The following LRRIQ3 variants were observed in gnomAD, a reference collection of about 807,000 sequenced individuals.
LRRIQ3 encodes leucine rich repeats and IQ motif containing 3.
LRRIQ3 carries 75 observed loss-of-function variants against 59.3 expected under a neutral mutation model. That is an observed-to-expected ratio of 1.26 (90% CI 1.05 to 1.53). The LOEUF (loss-of-function observed/expected upper bound fraction) is 1.53. LRRIQ3 is among the 40% of genes most tolerant of loss of function. The pLI, the probability that LRRIQ3 is intolerant of heterozygous loss-of-function variation, is 0.00. For synonymous variants in LRRIQ3, 250 were observed against 231.3 expected (o/e 1.08, Z -0.73); for missense variants, 831 against 710.0 (o/e 1.17, Z -1.94).
At position 74,183,549 on chromosome 1, in the gene LRRIQ3, A is replaced by C; in HGVS notation, c.136T>G (p.Leu46Val). The part of the protein sequence containing the change: ...NGLHLKSMEN[L>V]QSCISLRVCI... ...ACTCTAAGAGAGATGCAAGACTGCA[A>C]ATTTTCCATAGACTTTAAATGAAGG... The change falls in exon 2 of 8, where the codon TTG (leucine) becomes GTG (valine). Residue 46 changes from leucine to valine, a missense_variant. Physicochemically the swap from Leu to Val is conservative, Grantham distance 32. Coordinates refer to ENST00000354431, the MANE Select transcript of LRRIQ3 (RefSeq NM_001105659.2). The C allele has an allele frequency of 6.2e-7, 1 of 1,612,260 alleles. No individual in the cohort carries two copies. The highest frequency in any genetic ancestry group is 2.2e-5 in the East Asian group (1 of 44,694).
chr1:74,147,407 T>G (rs1335077847), intron 4 of LRRIQ3, among the ~76,000 whole-genome samples: 1 of 152,198 alleles, frequency 6.6e-6, no homozygotes, highest in South Asian at 2.1e-4. Flanking sequence ...TTCTAACTCA[T>G]GATAAATAAA....
At chr1:74,057,313 A>C (rs1654565551) in intron 6 of LRRIQ3, among the ~76,000 whole-genome samples, 1 of 152,116 alleles carries the variant, frequency 6.6e-6, no homozygotes, top group Non-Finnish European at 1.5e-5. Flanking sequence ...TTTTAATGTC[A>C]GGTAGTGGAA....
At chr1:74,137,906 C>T (rs1647151483) in intron 4 of LRRIQ3, among the ~76,000 whole-genome samples, 1 of 149,538 alleles carries the variant, frequency 6.7e-6, no homozygotes, top group Non-Finnish European at 1.5e-5. Context: ...GAACACAGGA[C>T]ACAGGGAGGG....
chr1:74,118,024 GA>G (rs1407409880), intron 4 of LRRIQ3, among the ~76,000 whole-genome samples: 1 of 150,990 alleles, frequency 6.6e-6, no homozygotes, highest in African/African-American at 2.4e-5. Context: ...CCATTTAAAA[GA>G]ATACATTTAG....
chr1:74,184,245 T>C (rs1037387174), intron 1 of LRRIQ3, among the ~76,000 whole-genome samples: 8 of 152,076 alleles, frequency 5.3e-5, no homozygotes, highest in Non-Finnish European at 5.9e-5. Context: ...TCAATTCAAT[T>C]AGGAAATTAG....
intron 5 of LRRIQ3, among the ~76,000 whole-genome samples, chr1:74,103,802 A>C: frequency 6.8e-6 from 1 of 147,792 alleles, no homozygotes; most frequent in Non-Finnish European, 1.5e-5. Flanking sequence ...CCCCCGCCAT[A>C]TTTACCTGAA....
At chr1:74,114,264 T>A (rs2100571923) in intron 4 of LRRIQ3, among the ~76,000 whole-genome samples, 1 of 152,196 alleles carries the variant, frequency 6.6e-6, no homozygotes, top group Admixed American at 6.5e-5. Context: ...TACAGTTTTA[T>A]AATGTAACAA....
chr1:74,172,195 T>C (rs149383500), intron 3 of LRRIQ3, among the ~76,000 whole-genome samples: 1 of 152,124 alleles, frequency 6.6e-6, no homozygotes, highest in Non-Finnish European at 1.5e-5. Flanking sequence ...TTGGTTGAGA[T>C]CATTTTTTCT....
chr1:74,035,520 T>C (rs931412739), intron 7 of LRRIQ3, among the ~76,000 whole-genome samples: 4 of 152,140 alleles, frequency 2.6e-5, no homozygotes, highest in African/African-American at 9.7e-5. Context: ...CCAAATTTGG[T>C]TTAAAACTTT....
intron 6 of LRRIQ3, among the ~76,000 whole-genome samples, chr1:74,051,536 G>C (rs1654369656): frequency 6.6e-6 from 1 of 152,082 alleles, no homozygotes; most frequent in Admixed American, 6.6e-5. Context: ...CAATGTAATT[G>C]TTTTAATACA....
chr1:74,167,499 C>A (rs1452471326), intron 3 of LRRIQ3, among the ~76,000 whole-genome samples: 1 of 151,600 alleles, frequency 6.6e-6, no homozygotes, highest in Non-Finnish European at 1.5e-5. Context: ...ACATCCTGCA[C>A]ATGTACCCCA....
chr1:74,064,904 T>A (rs780536691), intron 6 of LRRIQ3, among the ~76,000 whole-genome samples: 1 of 152,102 alleles, frequency 6.6e-6, no homozygotes, highest in Non-Finnish European at 1.5e-5. Flanking sequence ...TGTGTCTGGA[T>A]GGAAATATTT....
chr1:74,123,792 A>G (rs544710763), intron 4 of LRRIQ3, among the ~76,000 whole-genome samples: 2 of 152,158 alleles, frequency 1.3e-5, no homozygotes, highest in South Asian at 4.1e-4. Flanking sequence ...TATCTTCAAC[A>G]GACTGATTGC....
chr1:74,119,508 T>C (rs1646822822), intron 4 of LRRIQ3, among the ~76,000 whole-genome samples: 1 of 152,154 alleles, frequency 6.6e-6, no homozygotes, highest in South Asian at 2.1e-4. Flanking sequence ...ATAGGTCACT[T>C]ACAGTCTCCC....
chr1:74,167,670 T>C (rs1052448108), intron 3 of LRRIQ3, among the ~76,000 whole-genome samples: 5 of 151,806 alleles, frequency 3.3e-5, no homozygotes, highest in Non-Finnish European at 5.9e-5. Flanking sequence ...TGTACATTGC[T>C]CTGGTGATGG....
chr1:74,057,609 G>C (rs1026689786), intron 6 of LRRIQ3, among the ~76,000 whole-genome samples: 1 of 152,106 alleles, frequency 6.6e-6, no homozygotes, highest in African/African-American at 2.4e-5. Context: ...ATGCATTAAA[G>C]ACTTATATGT....
chr1:74,162,630 AT>A (rs1648727396), intron 3 of LRRIQ3, among the ~76,000 whole-genome samples: 1 of 151,860 alleles, frequency 6.6e-6, no homozygotes, highest in Non-Finnish European at 1.5e-5. Flanking sequence ...GTCACATTGT[AT>A]AAAATGATGC....
intron 4 of LRRIQ3, 64 bp downstream of exon 4, chr1:74,155,669 T>A: frequency 7.0e-7 from 1 of 1,430,146 alleles, no homozygotes; most frequent in Non-Finnish European, 9.4e-7. Flanking sequence ...AGAATTGACT[T>A]CTTATCATTT....
chr1:74,167,276 T>C (rs566570624), intron 3 of LRRIQ3, among the ~76,000 whole-genome samples: 5 of 151,766 alleles, frequency 3.3e-5, no homozygotes, highest in East Asian at 3.9e-4. Context: ...GACTCAGCCA[T>C]AAAAAGGAAT....
Sources: gnomAD v4.1 joint callset for allele counts (sites outside exome capture counted in the v4.1 genomes callset) on GRCh38, gnomAD v4.1.1 for gene constraint, MANE v1.5 for transcripts, NCBI Gene and HGNC (gene_info 2026-07-23, HGNC 2026-07-21) for gene names.